Variants in FAM221B observed in about 807,000 individuals in gnomAD.
FAM221B encodes protein FAM221B.
In FAM221B, 35 loss-of-function variants were observed where a neutral mutation model predicts 39.8. That is an observed-to-expected ratio of 0.88 (90% CI 0.67 to 1.17). FAM221B has a LOEUF of 1.17. Ranked by LOEUF, FAM221B falls within the 50% of genes most tolerant of loss-of-function variation. The pLI, the probability that FAM221B is intolerant of heterozygous loss-of-function variation, is 0.00. For missense variants in FAM221B, 479 were observed against 503.1 expected (o/e 0.95, Z 0.46); for synonymous variants, 158 against 178.1 (o/e 0.89, Z 0.90).
intron 3 of FAM221B, among the ~76,000 whole-genome samples, chr9:35,824,494 A>G (rs565272860): frequency 6.6e-6 from 1 of 152,152 alleles, no homozygotes; most frequent in African/African-American, 2.4e-5. Context: ...TGGGCCTGGC[A>G]TGCAGGGGTG....
intron 4 of FAM221B, 122 bp from the exon 5 acceptor site, chr9:35,819,516 G>A (rs1259714644): frequency 9.0e-6 from 8 of 885,318 alleles, no homozygotes; most frequent in Non-Finnish European, 1.3e-5. Context: ...TTTTTGAGAT[G>A]GAGTTTTGCT....
chr9:35,822,450 T>C (rs931059704), intron 3 of FAM221B, among the ~76,000 whole-genome samples: 1 of 152,132 alleles, frequency 6.6e-6, no homozygotes, highest in African/African-American at 2.4e-5. Flanking sequence ...CTCTGTTGCC[T>C]AGGCTGGAGT....
At position 35,825,544 on chromosome 9, in the gene FAM221B, TTTC is replaced by T. The variant is rs201802596; in HGVS notation, c.598+17_598+19del. 0.015 allele frequency: 23,044 copies of T among 1,518,592 alleles called. 168 individuals are homozygous for T. The highest frequency in any genetic ancestry group is 0.021 in the South Asian group (1,694 of 79,462). 94.1% of individuals were successfully genotyped at this position (1,518,592 alleles called of 1,614,324 possible). A position where few individuals can be genotyped will look rare whatever the true frequency, so the allele number is the denominator to read the frequency against. ...GACAGGTACAATTACAGCTAACTCC[TTTC>T]TTCTTCTTCTTCTTGCCTAGTTGGT... is the stretch of plus-strand genomic sequence containing the variant. On this transcript the variant is annotated intron_variant, in intron 2 of 6. Transcript: ENST00000423537. The surrounding 1 kb of genome is among the most constrained non-coding windows in gnomAD (Gnocchi z 4.2).
intron 3 of FAM221B, among the ~76,000 whole-genome samples, chr9:35,823,529 A>G (rs1419794928): frequency 6.6e-6 from 1 of 152,252 alleles, no homozygotes; most frequent in Non-Finnish European, 1.5e-5. Context: ...TCGGGGTTGA[A>G]TGACATGAAT....
rs1462541508 is a variant in FAM221B, at chr9:35,825,286, T to G, written c.686A>C (p.Gln229Pro). ...KAMHREEFGA[Q>P]VNNLFQWEKD... ...CTCCCACTGGAAAAGATTGTTCACTTGAGCACCAAACTCCTCTCTATGCAT... is the reference window on the plus strand; with the variant it reads ...CTCCCACTGGAAAAGATTGTTCACTGGAGCACCAAACTCCTCTCTATGCAT... The change falls in exon 3 of 7, where the codon CAA becomes CCA. Residue 229 changes from glutamine to proline, a missense_variant. Gln to Pro is a moderately conservative substitution (Grantham distance 76). Transcript: ENST00000423537. This position sits in a 1 kb window ranked among gnomAD's most constrained non-coding sequence, Gnocchi z 4.2. 1.2e-6 allele frequency: 2 copies of G among 1,614,136 alleles called. No individual in the cohort carries two copies. The highest frequency in any genetic ancestry group is 1.7e-6 in the Non-Finnish European group (2 of 1,180,056).
At chr9:35,820,440 G>A (rs1265562498) in intron 3 of FAM221B, among the ~76,000 whole-genome samples, 3 of 152,188 alleles carry the variant, frequency 2.0e-5, no homozygotes, top group Admixed American at 6.5e-5. Context: ...GAAGATGATT[G>A]GCCAGATGTA....
Position 35,820,004 on chromosome 9 carries a change from G to A in FAM221B, c.743-4C>T, listed in dbSNP as rs1829114735. 1.2e-6 allele frequency: 2 copies of A among 1,604,864 alleles called. No individual in the cohort carries two copies. The highest frequency in any genetic ancestry group is 1.7e-6 in the Non-Finnish European group (2 of 1,171,688). On this transcript the variant is annotated splice_polypyrimidine_tract_variant and splice_region_variant and intron_variant, in intron 3 of 6. Coordinates refer to ENST00000423537, the MANE Select transcript of FAM221B (RefSeq NM_001012446.4). The stretch of plus-strand genomic sequence containing the variant: ...CAGCGCCAGCCAATGTAGAGACCTA[G>A]GTATGCAGGATTAAAAGTGAGAAGT...
intron 4 of FAM221B, 69 bp from the exon 5 acceptor site, chr9:35,819,463 TCCATCCCCA>T: frequency 7.2e-7 from 1 of 1,386,706 alleles, no homozygotes; most frequent in Non-Finnish European, 9.8e-7. Context: ...AACCCCATCC[TCCATCCCCA>T]CCACCCCCTA....
chr9:35,818,773 G>T, intron 6 of FAM221B, 117 bp downstream of exon 6: 2 of 1,386,350 alleles, frequency 1.4e-6, no homozygotes, highest in Non-Finnish European at 2.0e-6. Flanking sequence ...TGGTGGGGAG[G>T]TGGGCTGAGG....
At position 35,825,967 on chromosome 9, in the gene FAM221B, G is replaced by A. The variant is rs1448577457; in HGVS notation, c.195C>T (p.Ile65=). 1.9e-6 allele frequency: 3 copies of A among 1,613,996 alleles called. No homozygotes were observed. Among genetic ancestry groups the A allele is most frequent in the Non-Finnish European group, 2.5e-6 (3 of 1,180,050 alleles). Residue 65 remains isoleucine (I), a synonymous_variant, in exon 2 of 7, where the codon ATC becomes ATT. Transcript: ENST00000423537. This position sits in a 1 kb window ranked among gnomAD's most constrained non-coding sequence, Gnocchi z 4.2. ...ESPLVPSPSQ[I]PLEAHSPETH... ...TTTCAGGGGAATGGGCCTCTAAGGG[G>A]ATCTGGGAAGGGGATGGCACCAAAG...
chr9:35,823,985 G>A (rs1829216772), intron 3 of FAM221B, among the ~76,000 whole-genome samples: 1 of 144,802 alleles, frequency 6.9e-6, no homozygotes, highest in Non-Finnish European at 1.5e-5. Context: ...GAAAATAAGA[G>A]TAACCGAATA....
chr9:35,822,954 T>C (rs1467403522), intron 3 of FAM221B, among the ~76,000 whole-genome samples: 3 of 152,208 alleles, frequency 2.0e-5, no homozygotes, highest in Non-Finnish European at 4.4e-5. Flanking sequence ...CAGGATATAA[T>C]TCTAGCTTTT....
At chr9:35,819,850 T>C (rs1829108082) in intron 4 of FAM221B, 40 bp downstream of exon 4, 1 of 1,228,608 alleles carries the variant, frequency 8.1e-7, no homozygotes, top group East Asian at 2.3e-5. Context: ...AGTACAGTTA[T>C]TCCTCCACAC....
At chr9:35,820,748 G>A (rs1252350550) in intron 3 of FAM221B, among the ~76,000 whole-genome samples, 2 of 152,208 alleles carry the variant, frequency 1.3e-5, no homozygotes, top group African/African-American at 2.4e-5. Context: ...GGAAAGGAAA[G>A]TGAGGCTAAG....
rs865967395 is a variant in FAM221B, at chr9:35,828,292, A to C, written c.-1+171T>G. Among the ~76,000 whole-genome samples, 5 of 126,508 alleles carry C rather than the reference A, an allele frequency of 4.0e-5. No individual in the cohort carries two copies. The highest frequency in any genetic ancestry group is 9.3e-5 in the African/African-American group (3 of 32,218). 83.0% of individuals were successfully genotyped at this position (126,508 alleles called of 152,430 possible). A position where few individuals can be genotyped will look rare whatever the true frequency, so the allele number is the denominator to read the frequency against. ...GGGGGACAGAGCGAGACTCTGTCTC[A>C]AACAACAACAACAACAACAACAACA... is the stretch of plus-strand genomic sequence containing the variant. On this transcript the variant is annotated intron_variant, in intron 1 of 6. Coordinates refer to ENST00000423537, the MANE Select transcript of FAM221B (RefSeq NM_001012446.4). This position sits in a 1 kb window ranked among gnomAD's most constrained non-coding sequence, Gnocchi z 4.5.
intron 3 of FAM221B, among the ~76,000 whole-genome samples, chr9:35,820,291 T>C (rs1203244443): frequency 1.3e-5 from 2 of 152,228 alleles, no homozygotes; most frequent in Non-Finnish European, 2.9e-5. Flanking sequence ...GCAGGAAGAT[T>C]ATAGATGAAA....
intron 3 of FAM221B, chr9:35,821,580 T>G (rs772886266): frequency 7.3e-7 from 1 of 1,367,900 alleles, no homozygotes; most frequent in Non-Finnish European, 9.8e-7. Flanking sequence ...GCAGTCACAA[T>G]GCAGGTGGGC....
In FAM221B at chr9:35,818,396, G is replaced by T; in HGVS notation, c.*73C>A. On this transcript the variant is annotated 3_prime_UTR_variant, in exon 7 of 7. Coordinates refer to ENST00000423537, the MANE Select transcript of FAM221B (RefSeq NM_001012446.4). ...TTATTAGGCAGTCTCTCCCTGGGCTGGGATCTACCTGCCCCATATAGAGCC... is the reference window on the plus strand; with the variant it reads ...TTATTAGGCAGTCTCTCCCTGGGCTTGGATCTACCTGCCCCATATAGAGCC... The T allele has an allele frequency of 7.2e-7, 1 of 1,383,160 alleles. No homozygotes were observed. Among genetic ancestry groups the T allele is most frequent in the South Asian group, 1.2e-5 (1 of 80,680 alleles). The allele number at this position is 1,383,160 out of a possible 1,614,324, so 85.7% of individuals were successfully genotyped here.
At chr9:35,824,874 G>A (rs147790078) in intron 3 of FAM221B, among the ~76,000 whole-genome samples, 203 of 152,060 alleles carry the variant, frequency 1.3e-3, no homozygotes, top group Middle Eastern at 3.4e-3. Context: ...GTAGAGACGG[G>A]GTTTCATCGT....
Sources: gnomAD v4.1 joint callset for allele counts (sites outside exome capture counted in the v4.1 genomes callset) on GRCh38, gnomAD v4.1.1 for gene constraint, Gnocchi (gnomAD v3.1) non-coding constraint, MANE v1.5 for transcripts, NCBI Gene and HGNC (gene_info 2026-07-23, HGNC 2026-07-21) for gene names.